The following RGS22 variants were observed in gnomAD, a reference collection of about 807,000 sequenced individuals.
The protein encoded by RGS22 is regulator of G protein signaling 22, also known as regulator of G-protein signaling 22.
RGS22 carries 148 observed loss-of-function variants against 172.9 expected under a neutral mutation model. That is an observed-to-expected ratio of 0.86 (90% CI 0.75 to 0.98). The LOEUF is 0.98. Among genes scored for constraint, RGS22 ranks in the 50% least tolerant of loss-of-function variants. RGS22 has a pLI of 0.00. For missense variants in RGS22, 1,347 were observed against 1,440.8 expected, an observed-to-expected ratio of 0.93 and a Z score of 1.05; for synonymous variants, 458 against 480.2, an observed-to-expected ratio of 0.95 and a Z score of 0.60.
intron 21 of RGS22, among the ~76,000 whole-genome samples, chr8:99,983,120 CT>C (rs1348484108): frequency 6.6e-6 from 1 of 152,202 alleles, no homozygotes; most frequent in Non-Finnish European, 1.5e-5. Context: ...ACCCACACTG[CT>C]GCAAAGGACA....
chr8:99,984,827 T>C (rs1812913662), intron 21 of RGS22, among the ~76,000 whole-genome samples: 1 of 146,050 alleles, frequency 6.8e-6, no homozygotes, highest in South Asian at 2.1e-4. Flanking sequence ...ACACACACTT[T>C]AGATTAAACC....
Position 100,047,912 on chromosome 8 carries a change from T to C in RGS22, c.1690-316A>G, listed in dbSNP as rs924271172. On this transcript the variant is annotated intron_variant, in intron 10 of 27. Coordinates refer to ENST00000360863, the MANE Select transcript of RGS22 (RefSeq NM_015668.5). ...AACGATTCTTTATTCTATAACTGAA[T>C]AGGTATTAGAGCTAGATGTATGTAT... is the stretch of plus-strand genomic sequence containing the variant. Among the ~76,000 whole-genome samples, 7 of 151,928 alleles carry C rather than the reference T, an allele frequency of 4.6e-5. No individual in the cohort carries two copies. The South Asian group carries it at 8.3e-4, about 18-fold the overall frequency.
intron 22 of RGS22, among the ~76,000 whole-genome samples, chr8:99,978,365 A>T (rs963760679): frequency 1.3e-5 from 2 of 152,190 alleles, no homozygotes; most frequent in Non-Finnish European, 2.9e-5. Context: ...AGAATCCATT[A>T]GGTCTTTTAA....
At chr8:100,016,019 T>G (rs1816908959) in intron 14 of RGS22, among the ~76,000 whole-genome samples, 1 of 152,222 alleles carries the variant, frequency 6.6e-6, no homozygotes, top group Non-Finnish European at 1.5e-5. Context: ...TGGGTTTAGA[T>G]GATAAATTAT....
chr8:100,002,733 C>T (rs964393099), intron 17 of RGS22, among the ~76,000 whole-genome samples: 4 of 152,084 alleles, frequency 2.6e-5, no homozygotes, highest in African/African-American at 9.7e-5. Context: ...TAGAATAATC[C>T]TCATCTTGAT....
At chr8:100,047,684 G>C in intron 10 of RGS22, 88 bp from the exon 11 acceptor site, 1 of 1,234,390 alleles carries the variant, frequency 8.1e-7, no homozygotes. Flanking sequence ...CTCATCACTC[G>C]AGTACTTTTT....
At chr8:100,088,283 G>A (rs1407303653) in intron 3 of RGS22, among the ~76,000 whole-genome samples, 3 of 152,028 alleles carry the variant, frequency 2.0e-5, no homozygotes, top group South Asian at 2.1e-4. Flanking sequence ...CTATCCTTGC[G>A]AGGAGGGTAT....
intron 14 of RGS22, among the ~76,000 whole-genome samples, chr8:100,034,568 C>T (rs1383690244): frequency 6.6e-6 from 1 of 152,120 alleles, no homozygotes; most frequent in Non-Finnish European, 1.5e-5. Context: ...TCAATGCCAT[C>T]CCCATCAAGC....
At position 100,034,308 on chromosome 8, in the gene RGS22, C is replaced by A. The variant is rs572352776; in HGVS notation, c.2166+4623G>T. Among the ~76,000 whole-genome samples, 19 of 152,196 alleles carry A rather than the reference C, an allele frequency of 1.2e-4. No individual in the cohort carries two copies. In the South Asian group the frequency reaches 4.0e-3, roughly 32 times the overall value. On this transcript the variant is annotated intron_variant, in intron 14 of 27. Transcript: ENST00000360863. ...CAATGTGCAAAAATCACAAGCATTC[C>A]TATACACCAACAACAGACAAACAGA... is the stretch of plus-strand genomic sequence containing the variant.
intron 22 of RGS22, among the ~76,000 whole-genome samples, chr8:99,980,414 G>A (rs1812428922): frequency 6.6e-6 from 1 of 152,136 alleles, no homozygotes; most frequent in South Asian, 2.1e-4. Flanking sequence ...TGGATAGAAT[G>A]ACAGATAACG....
intron 4 of RGS22, 136 bp from the exon 5 acceptor site, chr8:100,072,366 G>C: frequency 4.0e-6 from 2 of 497,538 alleles, no homozygotes; most frequent in Non-Finnish European, 7.0e-6. Flanking sequence ...ATTTCCACTA[G>C]AGAGATCAAT....
Position 99,977,953 on chromosome 8 carries a change from T to G in RGS22, c.3483A>C (p.Lys1161Asn), listed in dbSNP as rs749610944. The G allele has an allele frequency of 4.5e-6, 7 of 1,564,718 alleles. No individual in the cohort carries two copies. In the South Asian group the frequency reaches 8.7e-5, roughly 20 times the overall value. ...ERRQEYNKQK[K>N]KLAVLEDEKS... ...TTTCGTCTTCTAGGACTGCCAATTT[T>G]TTTTTCTGCTTATTATATTCTTGTC... Residue 1161 changes from lysine to asparagine, a missense_variant, in exon 23 of 28, where the codon AAA (lysine) becomes AAC (asparagine). Lys to Asn is a moderately conservative substitution (Grantham distance 94). Transcript: ENST00000360863.
intron 18 of RGS22, among the ~76,000 whole-genome samples, chr8:100,000,535 A>G (rs189069260): frequency 2.0e-4 from 31 of 152,210 alleles, no homozygotes; most frequent in Non-Finnish European, 3.4e-4. Context: ...AAAGACAAAG[A>G]AGGATCATTG....
intron 14 of RGS22, among the ~76,000 whole-genome samples, chr8:100,010,936 T>C (rs1816313255): frequency 6.6e-6 from 1 of 151,714 alleles, no homozygotes. Context: ...TGAGCCACCA[T>C]GCCTGGCCTC....
intron 14 of RGS22, among the ~76,000 whole-genome samples, chr8:100,038,295 G>C (rs77382871): frequency 1.3e-5 from 2 of 151,282 alleles, no homozygotes; most frequent in African/African-American, 4.9e-5. Flanking sequence ...AGGCTATTCT[G>C]TCTCCTTTTA....
chr8:100,001,423 G>A (rs1815079494), intron 18 of RGS22, among the ~76,000 whole-genome samples: 1 of 151,534 alleles, frequency 6.6e-6, no homozygotes. Flanking sequence ...TTTTAGTAGA[G>A]ACAGGATTTC....
At chr8:100,020,394 C>G (rs1390457013) in intron 14 of RGS22, among the ~76,000 whole-genome samples, 1 of 152,186 alleles carries the variant, frequency 6.6e-6, no homozygotes, top group Non-Finnish European at 1.5e-5. Flanking sequence ...TCATGAAGTT[C>G]ACAGTAAACT....
chr8:100,041,981 T>C, intron 11 of RGS22, 65 bp from the exon 12 acceptor site: 1 of 1,002,678 alleles, frequency 1.0e-6, no homozygotes, highest in Non-Finnish European at 1.5e-6. Context: ...AAACAAATTT[T>C]GAGCACTTTT....
At chr8:99,987,345 G>C in intron 21 of RGS22, 113 bp downstream of exon 21, 1 of 704,890 alleles carries the variant, frequency 1.4e-6, no homozygotes, top group Non-Finnish European at 2.3e-6. Context: ...GAAGAAGATA[G>C]CAAAATTGGG....
Sources: allele counts gnomAD v4.1 joint callset (sites outside exome capture counted in the v4.1 genomes callset), GRCh38; gene constraint gnomAD v4.1.1; transcripts MANE v1.5; gene names NCBI Gene and HGNC (gene_info 2026-07-23, HGNC 2026-07-21).